LAMA4: variants seen among roughly 807,000 people sequenced by gnomAD.
LAMA4 encodes laminin subunit alpha 4.
LAMA4 carries 127 observed loss-of-function variants against 207.1 expected under a neutral mutation model. The ratio of observed to expected loss-of-function variants is 0.61; its 90% confidence interval spans 0.53 to 0.71. LAMA4 has a LOEUF of 0.71. Ranked by LOEUF, LAMA4 falls within the 30% of genes least tolerant of loss-of-function variation. The pLI is 0.00. For synonymous variants in LAMA4, 761 were observed against 816.0 expected (o/e 0.93, Z 1.15); for missense variants, 2,093 against 2,246.5 (o/e 0.93, Z 1.38).
chr6:112,138,526 T>C (rs1779488417), intron 24 of LAMA4, among the ~76,000 whole-genome samples: 1 of 152,156 alleles, frequency 6.6e-6, no homozygotes, highest in Non-Finnish European at 1.5e-5. Flanking sequence ...TAAAGTACTA[T>C]TAAAAATAAT....
intron 12 of LAMA4, chr6:112,172,171 C>T (rs1367554892): frequency 2.4e-5 from 5 of 211,514 alleles, no homozygotes; most frequent in Non-Finnish European, 3.8e-5. Flanking sequence ...TTTGCATTTG[C>T]ATGGCCTTGG....
intron 2 of LAMA4, chr6:112,234,632 C>T (rs1554365385): frequency 6.6e-6 from 1 of 151,174 alleles, no homozygotes; most frequent in Non-Finnish European, 1.5e-5. Context: ...TTTAGATAAT[C>T]TCAGATGAAG....
rs2114754072 is a variant in LAMA4 at position 112,150,603 on chromosome 6, G to C, written c.2081C>G (p.Thr694Ser). The C allele has an allele frequency of 1.9e-6, 3 of 1,613,958 alleles. No individual in the cohort carries two copies. Among genetic ancestry groups the C allele is most frequent in the South Asian group, 2.2e-5 (2 of 91,084 alleles). ...TAGGGCTCCACCCACACGCCTGCTA[G>C]TGTCAGCCACTGCTTCATCACTGCC... ...ESSSDEAVAD[T>S]SRRVGGALAR... The change falls in exon 17 of 39, where the codon ACT becomes AGT. Residue 694 changes from threonine (T) to serine (S), a missense_variant. Coordinates refer to ENST00000230538, the MANE Select transcript of LAMA4 (RefSeq NM_001105206.3).
At chr6:112,145,127 G>C (rs1779942017) in intron 18 of LAMA4, among the ~76,000 whole-genome samples, 194 bp from the exon 19 acceptor site, 1 of 152,190 alleles carries the variant, frequency 6.6e-6, no homozygotes, top group African/African-American at 2.4e-5. Context: ...CAGACATCTG[G>C]GCCAGACGGA....
intron 3 of LAMA4, among the ~76,000 whole-genome samples, chr6:112,212,334 A>G (rs1165286410): frequency 6.6e-6 from 1 of 150,738 alleles, no homozygotes. Flanking sequence ...AGTGATTCTC[A>G]TGCCTCAGCT....
chr6:112,132,668 C>A (rs531445111), intron 28 of LAMA4, 85 bp downstream of exon 28: 2 of 1,278,772 alleles, frequency 1.6e-6, no homozygotes, highest in African/African-American at 1.5e-5. Flanking sequence ...AATAGAAAAT[C>A]ACTTCTAACA....
rs140249081 is a variant in LAMA4, at chr6:112,191,841, G to A, written c.513C>T (p.Pro171=). The change falls in exon 6 of 39, where the codon CCC becomes CCT. Residue 171 remains proline (P), a synonymous_variant. Coordinates refer to ENST00000230538, the MANE Select transcript of LAMA4 (RefSeq NM_001105206.3). Reference sequence around the variant, plus strand: ...TGAGTAAGGGGTTTCCATAGTAACCGGGAGCACATCTGAAGAGGAATATCA... The same window carrying A: ...TGAGTAAGGGGTTTCCATAGTAACCAGGAGCACATCTGAAGAGGAATATCA... ...YAGPNCERCA[P]GYYGNPLLIG... 48 of 1,611,728 alleles carry A rather than the reference G, an allele frequency of 3.0e-5. No homozygotes were observed. Among genetic ancestry groups the A allele is most frequent in the East Asian group, 1.3e-4 (6 of 44,788 alleles).
chr6:112,209,469 T>C (rs1311276644), intron 3 of LAMA4, among the ~76,000 whole-genome samples: 1 of 152,194 alleles, frequency 6.6e-6, no homozygotes, highest in African/African-American at 2.4e-5. Context: ...AAGTATGAAC[T>C]TTCCTCATCT....
chr6:112,240,355 T>C (rs1179732304), intron 2 of LAMA4, among the ~76,000 whole-genome samples: 1 of 152,184 alleles, frequency 6.6e-6, no homozygotes, highest in Admixed American at 6.5e-5. Flanking sequence ...AAGCACACCA[T>C]AGAGAATGGT....
rs62413968 is a variant in LAMA4 at position 112,150,930 on chromosome 6, C to A, written c.2057-303G>T. Among the ~76,000 whole-genome samples, 12,916 of 152,042 alleles carry A rather than the reference C, an allele frequency of 0.085. 757 individuals are homozygous for A. Among genetic ancestry groups the A allele is most frequent in the East Asian group, 0.11 (595 of 5,180 alleles). On this transcript the variant is annotated intron_variant, in intron 16 of 38. Coordinates refer to ENST00000230538, the MANE Select transcript of LAMA4 (RefSeq NM_001105206.3). Reference sequence around the variant, plus strand: ...ACCAAGCAGCACAATTGTTAAAGAGCTGAAAAGAAAAAAATCTCTCTCTCT... The same window carrying A: ...ACCAAGCAGCACAATTGTTAAAGAGATGAAAAGAAAAAAATCTCTCTCTCT...
chr6:112,173,473 G>T (rs1334670694), intron 11 of LAMA4, among the ~76,000 whole-genome samples: 1 of 152,192 alleles, frequency 6.6e-6, no homozygotes, highest in African/African-American at 2.4e-5. Flanking sequence ...TCCTGGCTGA[G>T]TATAGAAAGT....
At chr6:112,160,133 A>G (rs1390617381) in intron 13 of LAMA4, among the ~76,000 whole-genome samples, 1 of 151,556 alleles carries the variant, frequency 6.6e-6, no homozygotes, top group Non-Finnish European at 1.5e-5. Flanking sequence ...TTATGTTTCC[A>G]CCTGTTTAGA....
chr6:112,123,285 A>G (rs151116867), intron 31 of LAMA4, among the ~76,000 whole-genome samples: 1 of 152,296 alleles, frequency 6.6e-6, no homozygotes, highest in East Asian at 1.9e-4. Context: ...CTGAATGCAC[A>G]CTCACAGGCA....
intron 2 of LAMA4, among the ~76,000 whole-genome samples, chr6:112,222,629 C>T (rs1323825917): frequency 6.6e-6 from 1 of 152,162 alleles, no homozygotes; most frequent in Non-Finnish European, 1.5e-5. Flanking sequence ...ATGTTTACAT[C>T]ACATTTCTGT....
chr6:112,170,715 T>A (rs1781662142), intron 12 of LAMA4, among the ~76,000 whole-genome samples: 1 of 152,206 alleles, frequency 6.6e-6, no homozygotes, highest in South Asian at 2.1e-4. Context: ...AGAAGACAGA[T>A]TCCCTTACTT....
chr6:112,198,056 A>C (rs1783523052), intron 5 of LAMA4, among the ~76,000 whole-genome samples: 1 of 152,214 alleles, frequency 6.6e-6, no homozygotes, highest in Non-Finnish European at 1.5e-5. Context: ...GGTTTGAGAA[A>C]TACTTCCCTA....
intron 14 of LAMA4, among the ~76,000 whole-genome samples, chr6:112,155,907 C>G (rs1554336879): frequency 6.6e-6 from 1 of 152,218 alleles, no homozygotes; most frequent in African/African-American, 2.4e-5. Context: ...TTTTGGTTCT[C>G]TGACAGCTGC....
Position 112,120,397 on chromosome 6 carries a change from A to G in LAMA4, c.4551T>C (p.Asn1517=), listed in dbSNP as rs782651495. Residue 1517 remains asparagine, a synonymous_variant, in exon 33 of 39, where the codon AAT becomes AAC. Coordinates refer to ENST00000230538, the MANE Select transcript of LAMA4 (RefSeq NM_001105206.3). ...GGGCCAAAAATAGAGTCATGAAGTC[A>G]TTCTCTTCTTGATCTGAGACATAGA... The part of the protein sequence containing the change: ...MIFYVSDQEE[N]DFMTLFLAHG... 7 of 1,613,900 alleles carry G rather than the reference A, an allele frequency of 4.3e-6. No individual in the cohort carries two copies. The highest frequency in any genetic ancestry group is 1.7e-5 in the Admixed American group (1 of 60,002).
At chr6:112,246,799 C>T (rs999545498) in intron 2 of LAMA4, among the ~76,000 whole-genome samples, 1 of 152,158 alleles carries the variant, frequency 6.6e-6, no homozygotes, top group African/African-American at 2.4e-5. Context: ...GGATTACAGG[C>T]GTGAGCCACC....
Sources: gnomAD v4.1 joint callset for allele counts (sites outside exome capture counted in the v4.1 genomes callset) on GRCh38, gnomAD v4.1.1 for gene constraint, MANE v1.5 for transcripts, NCBI Gene and HGNC (gene_info 2026-07-23, HGNC 2026-07-21) for gene names.